The following LRMDA variants were observed in gnomAD, a reference collection of about 807,000 sequenced individuals.
The protein encoded by LRMDA is leucine-rich melanocyte differentiation-associated protein.
Under a neutral mutation model 29.8 loss-of-function variants are expected in LRMDA, and 18 were observed. The observed-to-expected ratio is 0.60, with a 90% CI of 0.42 to 0.90. The LOEUF (loss-of-function observed/expected upper bound fraction) is 0.90. LRMDA is among the 40% of genes least tolerant of loss of function. The pLI, the probability that LRMDA is intolerant of heterozygous loss-of-function variation, is 0.00. For missense variants in LRMDA, 273 were observed against 273.9 expected (o/e 1.00, Z 0.02); for synonymous variants, 125 against 109.4 (o/e 1.14, Z -0.89).
intron 6 of LRMDA, among the ~76,000 whole-genome samples, chr10:76,503,382 G>T (rs1842930465): frequency 6.6e-6 from 1 of 151,808 alleles, no homozygotes; most frequent in Non-Finnish European, 1.5e-5. Flanking sequence ...TTTTAGAATA[G>T]TTTCAGTAGG....
intron 5 of LRMDA, among the ~76,000 whole-genome samples, chr10:76,064,106 A>G (rs1848746094): frequency 1.3e-5 from 2 of 152,216 alleles, no homozygotes; most frequent in Admixed American, 6.5e-5. Context: ...TTCAGTCAAC[A>G]TGGTTACATT....
chr10:76,200,822 A>G (rs1049106732), intron 5 of LRMDA, among the ~76,000 whole-genome samples: 2 of 149,314 alleles, frequency 1.3e-5, no homozygotes, highest in African/African-American at 2.5e-5. Flanking sequence ...GGTTCAAGCT[A>G]TTCTCCTGCC....
At chr10:75,679,447 T>C (rs1841998994) in intron 2 of LRMDA, among the ~76,000 whole-genome samples, 1 of 152,182 alleles carries the variant, frequency 6.6e-6, no homozygotes, top group Non-Finnish European at 1.5e-5. Context: ...TCCGGAATTC[T>C]CATCCAGGTC....
At chr10:76,554,896 TG>T (rs1319804429) in intron 6 of LRMDA, among the ~76,000 whole-genome samples, 3 of 145,538 alleles carry the variant, frequency 2.1e-5, no homozygotes, top group Non-Finnish European at 3.0e-5. Context: ...TGTGTGTGTG[TG>T]GTGTGTGTGT....
intron 6 of LRMDA, chr10:76,402,453 GC>G: frequency 6.6e-6 from 1 of 152,348 alleles, no homozygotes; most frequent in East Asian, 1.9e-4. Flanking sequence ...CCTGGATCAA[GC>G]AATCCTCCCA....
chr10:76,112,317 G>T (rs1849593006), intron 5 of LRMDA, among the ~76,000 whole-genome samples: 1 of 152,220 alleles, frequency 6.6e-6, no homozygotes, highest in African/African-American at 2.4e-5. Context: ...GCAGGAGCAG[G>T]GTATGGGGCG....
chr10:75,716,951 A>G, intron 2 of LRMDA, among the ~76,000 whole-genome samples: 1 of 152,102 alleles, frequency 6.6e-6, no homozygotes, highest in East Asian at 1.9e-4. Context: ...GCTGTGAAAA[A>G]TCTCACCAAC....
At chr10:76,222,092 T>C (rs1851852843) in intron 5 of LRMDA, among the ~76,000 whole-genome samples, 2 of 151,964 alleles carry the variant, frequency 1.3e-5, no homozygotes, top group South Asian at 2.1e-4. Flanking sequence ...CTGGATCCCT[T>C]CCTTACACCT....
At chr10:76,106,394 G>A (rs1849485043) in intron 5 of LRMDA, among the ~76,000 whole-genome samples, 2 of 152,188 alleles carry the variant, frequency 1.3e-5, no homozygotes, top group South Asian at 4.1e-4. Flanking sequence ...CCTATCAATA[G>A]CGTATGGAGA....
chr10:75,597,601 C>G (rs1840808076), intron 2 of LRMDA, among the ~76,000 whole-genome samples: 3 of 152,174 alleles, frequency 2.0e-5, no homozygotes, highest in Admixed American at 1.3e-4. Context: ...ACTTTCATAT[C>G]AGTCTAAAAT....
At chr10:75,973,971 A>T (rs905690887) in intron 2 of LRMDA, among the ~76,000 whole-genome samples, 1 of 152,160 alleles carries the variant, frequency 6.6e-6, no homozygotes, top group Non-Finnish European at 1.5e-5. Context: ...AAACTTACCT[A>T]TTGGTCTGAG....
intron 2 of LRMDA, among the ~76,000 whole-genome samples, chr10:75,879,002 A>G (rs981937591): frequency 6.6e-6 from 1 of 152,218 alleles, no homozygotes; most frequent in East Asian, 1.9e-4. Context: ...CGTTTCTTTC[A>G]CTTACCTAGG....
Position 75,635,301 on chromosome 10 carries a change from TG to T in LRMDA, c.131+196809del, listed in dbSNP as rs138392313. ...TTAATGAGCCACCTTCAGGCCAGGG[TG>T]GACTAGAGCCCCGAGAATTGTGCCT... On this transcript the variant is annotated intron_variant, in intron 2 of 6. Coordinates refer to ENST00000611255, the MANE Select transcript of LRMDA (RefSeq NM_001305581.2). Among the ~76,000 whole-genome samples the T allele has an allele frequency of 3.0e-3, 462 of 152,302 alleles. 18 individuals are homozygous for T. In the East Asian group the frequency reaches 0.081, roughly 27 times the overall value.
chr10:76,292,926 G>A (rs74148413), intron 5 of LRMDA, among the ~76,000 whole-genome samples: 121 of 152,294 alleles, frequency 7.9e-4, no homozygotes, highest in African/African-American at 2.9e-3. Flanking sequence ...AACTAGGACT[G>A]CTGTGCTTGC....
At chr10:75,744,107 G>GT (rs1414278438) in intron 2 of LRMDA, among the ~76,000 whole-genome samples, 1 of 152,188 alleles carries the variant, frequency 6.6e-6, no homozygotes, top group Non-Finnish European at 1.5e-5. Flanking sequence ...TTAGGTTACT[G>GT]TTTTAAAAAA....
intron 2 of LRMDA, among the ~76,000 whole-genome samples, chr10:75,728,409 G>C (rs1258571553): frequency 6.6e-6 from 1 of 150,784 alleles, no homozygotes; most frequent in Non-Finnish European, 1.5e-5. Context: ...GCTTAGTTCT[G>C]TGCTTGATAC....
chr10:76,545,760 C>T (rs1843414500), intron 6 of LRMDA, among the ~76,000 whole-genome samples: 1 of 151,570 alleles, frequency 6.6e-6, no homozygotes, highest in African/African-American at 2.4e-5. Flanking sequence ...CACTAGAACC[C>T]TCAGTTAACC....
intron 2 of LRMDA, among the ~76,000 whole-genome samples, chr10:75,786,292 C>A (rs1843471649): frequency 6.6e-6 from 1 of 152,136 alleles, no homozygotes; most frequent in African/African-American, 2.4e-5. Context: ...TTAGGTGCTC[C>A]CCATTGTCCA....
intron 6 of LRMDA, among the ~76,000 whole-genome samples, chr10:76,356,206 C>T (rs372751294): frequency 2.0e-5 from 3 of 152,238 alleles, no homozygotes; most frequent in East Asian, 3.9e-4. Context: ...TAGTGGTCAT[C>T]GTCATGGAGA....
Sources: allele counts gnomAD v4.1 joint callset (sites outside exome capture counted in the v4.1 genomes callset), GRCh38; gene constraint gnomAD v4.1.1; transcripts MANE v1.5; gene names NCBI Gene and HGNC (gene_info 2026-07-23, HGNC 2026-07-21).